Variants in ABHD3 observed in about 807,000 individuals in gnomAD.
The protein encoded by ABHD3 is abhydrolase domain containing 3, phospholipase.
Under a neutral mutation model 48.8 loss-of-function variants are expected in ABHD3, and 46 were observed. The ratio of observed to expected loss-of-function variants is 0.94; its 90% CI spans 0.74 to 1.20. The LOEUF (loss-of-function observed/expected upper bound fraction) is 1.20. ABHD3 is among the 50% of genes most tolerant of loss of function. The probability of loss-of-function intolerance (pLI) is 0.00; values close to 1 mark genes in which losing one functional copy is unlikely to be tolerated. For missense variants in ABHD3, 490 were observed against 497.8 expected (o/e 0.98, Z 0.15); for synonymous variants, 192 against 183.7 (o/e 1.04, Z -0.36).
intron 4 of ABHD3, among the ~76,000 whole-genome samples, chr18:21,676,654 G>A (rs1456853058): frequency 6.6e-6 from 1 of 152,232 alleles, no homozygotes; most frequent in African/African-American, 2.4e-5. Flanking sequence ...GCCTCCCAAA[G>A]TGCTGGGATT....
chr18:21,667,234 C>CTT lies in ABHD3; in HGVS notation c.556-3006_556-3005dup, dbSNP rs745430805. On this transcript the variant is annotated intron_variant, in intron 4 of 8. Coordinates refer to ENST00000289119, the MANE Select transcript of ABHD3 (RefSeq NM_138340.5). ...GATTACAGGCGCCCACCACCACACC[C>CTT]TTTTTTTTTTTTTTTTTTTTTTTTT... 5.5e-4 allele frequency among the ~76,000 whole-genome samples: 45 copies of CTT among 81,472 alleles called. 1 individual carries two copies. Among genetic ancestry groups the CTT allele is most frequent in the African/African-American group, 2.0e-3 (29 of 14,732 alleles). The allele number at this position is 81,472 out of a possible 152,430, so 53.4% of individuals were successfully genotyped here.
chr18:21,678,503 G>C (rs918396357), intron 4 of ABHD3, among the ~76,000 whole-genome samples: 1 of 151,900 alleles, frequency 6.6e-6, no homozygotes, highest in Non-Finnish European at 1.5e-5. Context: ...ATAGCTTTCT[G>C]TGTCTACAGA....
At chr18:21,656,649 G>A (rs2039357114) in intron 8 of ABHD3, among the ~76,000 whole-genome samples, 1 of 152,160 alleles carries the variant, frequency 6.6e-6, no homozygotes, top group Non-Finnish European at 1.5e-5. Context: ...AAAACAGTGA[G>A]TCATAATTTG....
chr18:21,682,569 G>A (rs1276700555), intron 4 of ABHD3: 1 of 152,238 alleles, frequency 6.6e-6, no homozygotes, highest in Non-Finnish European at 1.5e-5. Context: ...TTAGGGCTGT[G>A]TCTCATTAAT....
At chr18:21,689,549 CAAAA>C (rs36011228) in intron 3 of ABHD3, among the ~76,000 whole-genome samples, 6 of 41,808 alleles carry the variant, frequency 1.4e-4, no homozygotes, top group African/African-American at 4.7e-4. Flanking sequence ...AATCTGGTCT[CAAAA>C]AAAAAAAAAA....
intron 5 of ABHD3, among the ~76,000 whole-genome samples, chr18:21,660,707 T>C (rs2039472844): frequency 6.6e-6 from 1 of 152,194 alleles, no homozygotes. Context: ...GTGAATATGA[T>C]GAAGTTTTAG....
At position 21,661,102 on chromosome 18, in the gene ABHD3, T is replaced by TTA. The variant is rs746783850; in HGVS notation, c.669-1760_669-1759insTA. Among the ~76,000 whole-genome samples the TTA allele has an allele frequency of 3.7e-3, 212 of 57,236 alleles. 1 individual carries two copies. Among genetic ancestry groups the TTA allele is most frequent in the Non-Finnish European group, 5.5e-3 (172 of 31,122 alleles). 37.5% of individuals were successfully genotyped at this position (57,236 alleles called of 152,430 possible). ...TCACCAAAAGAAAAAAACTACAAGCTAAAAAAAAAAAAAAAAAAAAAAAAG... is the reference window on the plus strand; with the variant it reads ...TCACCAAAAGAAAAAAACTACAAGCTTAAAAAAAAAAAAAAAAAAAAAAAAAG... On this transcript the variant is annotated intron_variant, in intron 5 of 8. Coordinates refer to ENST00000289119, the MANE Select transcript of ABHD3 (RefSeq NM_138340.5).
At chr18:21,663,842 G>A (rs969076501) in intron 5 of ABHD3, 2 of 1,518,098 alleles carry the variant, frequency 1.3e-6, no homozygotes, top group Non-Finnish European at 8.8e-7. Flanking sequence ...GGCAGCCGGT[G>A]AGTGATGCAA....
intron 5 of ABHD3, 73 bp downstream of exon 5, chr18:21,664,045 A>T: frequency 6.6e-7 from 1 of 1,518,252 alleles, no homozygotes; most frequent in Non-Finnish European, 8.8e-7. Flanking sequence ...CAGCTAGCTT[A>T]TAGTCCTCTC....
rs199504593 is a variant in ABHD3, at chr18:21,666,027, TTTTTA to T, written c.556-1802_556-1798del. Among the ~76,000 whole-genome samples the T allele has an allele frequency of 8.7e-3, 1,328 of 151,996 alleles. 20 individuals are homozygous for T. Among genetic ancestry groups the T allele is most frequent in the African/African-American group, 0.03 (1,235 of 41,482 alleles). On this transcript the variant is annotated intron_variant, in intron 4 of 8. Transcript: ENST00000289119. Reference sequence around the variant, plus strand: ...ATATTTTCTTTTATTTTTAAATTTATTTTTATTTTATTTATTTTTTTTGAGATGGA... The same window carrying T: ...ATATTTTCTTTTATTTTTAAATTTATTTTTATTTATTTTTTTTGAGATGGA...
intron 6 of ABHD3, 71 bp downstream of exon 6, chr18:21,659,099 A>G (rs2039423141): frequency 6.8e-7 from 1 of 1,470,606 alleles, no homozygotes; most frequent in Non-Finnish European, 9.2e-7. Flanking sequence ...TCAGCCTCCC[A>G]AAGTGCTGGG....
chr18:21,657,200 C>T, intron 6 of ABHD3, 48 bp from the exon 7 acceptor site: 1 of 1,536,092 alleles, frequency 6.5e-7, no homozygotes, highest in Non-Finnish European at 8.8e-7. Context: ...ATTCCTACTC[C>T]ATCATACTAA....
At chr18:21,683,236 T>C (rs2040047889) in intron 4 of ABHD3, among the ~76,000 whole-genome samples, 1 of 152,194 alleles carries the variant, frequency 6.6e-6, no homozygotes, top group Non-Finnish European at 1.5e-5. Flanking sequence ...GGAATATTTC[T>C]CATTCCAACT....
intron 3 of ABHD3, among the ~76,000 whole-genome samples, chr18:21,684,354 G>T (rs960951811): frequency 9.4e-6 from 1 of 105,942 alleles, no homozygotes; most frequent in African/African-American, 3.8e-5. Flanking sequence ...TCTCGCTCTT[G>T]TCACCCAGGC....
At chr18:21,652,943 C>T (rs1275445492) in intron 8 of ABHD3, among the ~76,000 whole-genome samples, 2 of 143,962 alleles carry the variant, frequency 1.4e-5, no homozygotes, top group Non-Finnish European at 3.0e-5. Flanking sequence ...ATCCCAGCTC[C>T]TGGGGAGGCT....
intron 4 of ABHD3, among the ~76,000 whole-genome samples, chr18:21,676,064 C>T (rs1247552130): frequency 6.6e-6 from 1 of 152,200 alleles, no homozygotes; most frequent in African/African-American, 2.4e-5. Context: ...TTCATGATCT[C>T]GCCTAAGCCT....
intron 4 of ABHD3, among the ~76,000 whole-genome samples, chr18:21,675,584 G>C (rs1262016246): frequency 6.6e-6 from 1 of 151,778 alleles, no homozygotes; most frequent in Non-Finnish European, 1.5e-5. Context: ...GTTTTGTTTT[G>C]TTTTGTCTTT....
intron 4 of ABHD3, among the ~76,000 whole-genome samples, chr18:21,670,549 G>A (rs986614332): frequency 2.0e-5 from 3 of 152,122 alleles, no homozygotes; most frequent in African/African-American, 4.8e-5. Flanking sequence ...ATATGACGCC[G>A]AGCAATCCTT....
At chr18:21,662,817 G>A (rs562702710) in intron 5 of ABHD3, among the ~76,000 whole-genome samples, 4 of 152,256 alleles carry the variant, frequency 2.6e-5, no homozygotes, top group South Asian at 4.1e-4. Context: ...GCTTCAATGC[G>A]GCACGAATAG....
Sources: gnomAD v4.1 joint callset for allele counts (sites outside exome capture counted in the v4.1 genomes callset) on GRCh38, gnomAD v4.1.1 for gene constraint, MANE v1.5 for transcripts, NCBI Gene and HGNC (gene_info 2026-07-23, HGNC 2026-07-21) for gene names.